IL1RAPL2: variants seen among roughly 807,000 people sequenced by gnomAD.
The protein encoded by IL1RAPL2 is X-linked interleukin-1 receptor accessory protein-like 2.
A neutral mutation model predicts 44.1 loss-of-function variants in IL1RAPL2; 3 were observed. The ratio of observed to expected loss-of-function variants is 0.07; its 90% CI spans 0.03 to 0.18. The LOEUF is 0.18. Among genes scored for constraint, IL1RAPL2 ranks in the 10% least tolerant of loss-of-function variants. The probability of loss-of-function intolerance (pLI) is 1.00; values close to 1 mark genes in which losing one functional copy is unlikely to be tolerated. For synonymous variants in IL1RAPL2, 181 were observed against 178.8 expected (o/e 1.01, Z -0.10); for missense variants, 391 against 496.4 (o/e 0.79, Z 2.02).
chrX:105,142,557 T>G lies in IL1RAPL2; in HGVS notation c.83-52918T>G, dbSNP rs72616888. On this transcript the variant is annotated intron_variant, in intron 2 of 10. Coordinates refer to ENST00000372582, the MANE Select transcript of IL1RAPL2 (RefSeq NM_017416.2). ...GGGGTGGAGAAGCAGGGGGAAGTAG[T>G]TTCTTCGTATCTTCAGTGAAGATAC... Among the ~76,000 whole-genome samples the G allele has an allele frequency of 2.7e-5, 3 of 110,860 alleles. No homozygotes were observed. In the East Asian group the frequency reaches 8.5e-4, roughly 31 times the overall value.
At chrX:105,379,599 C>T (rs1201266477) in intron 5 of IL1RAPL2, among the ~76,000 whole-genome samples, 5 of 111,488 alleles carry the variant, frequency 4.5e-5, no homozygotes, top group East Asian at 2.8e-4. Context: ...CGAATATGCT[C>T]CTAACATGGA....
chrX:105,562,918 G>A (rs1446226806), intron 6 of IL1RAPL2, among the ~76,000 whole-genome samples: 1 of 112,000 alleles, frequency 8.9e-6, no homozygotes, highest in African/African-American at 3.2e-5. Context: ...AAAAGTTCTT[G>A]CTTTCATGGA....
chrX:104,834,793 G>C (rs1006722661), intron 2 of IL1RAPL2, among the ~76,000 whole-genome samples: 4 of 111,789 alleles, frequency 3.6e-5, no homozygotes, highest in African/African-American at 1.3e-4. Context: ...ATTAAATTAA[G>C]TCTGTGTAGT....
intron 6 of IL1RAPL2, among the ~76,000 whole-genome samples, chrX:105,608,474 C>A (rs1243692967): frequency 9.0e-6 from 1 of 111,700 alleles, no homozygotes; most frequent in Non-Finnish European, 1.9e-5. Context: ...AAAACCTAGG[C>A]AGAAATTAAA....
rs144852258 is a variant in IL1RAPL2 at position 105,539,381 on chromosome X, G to A, written c.772+54994G>A. ...GAGAACCCAGAAAATCATACTGACAGCATCTGATATTCGACAAAGTAGACA... is the reference window on the plus strand; with the variant it reads ...GAGAACCCAGAAAATCATACTGACAACATCTGATATTCGACAAAGTAGACA... On this transcript the variant is annotated intron_variant, in intron 6 of 10. Transcript: ENST00000372582. Among the ~76,000 whole-genome samples, 907 of 110,427 alleles carry A rather than the reference G, an allele frequency of 8.2e-3. 15 individuals are homozygous for A. The highest frequency in any genetic ancestry group is 0.028 in the African/African-American group (867 of 30,482).
Position 105,423,877 on chromosome X carries a change from A to T in IL1RAPL2, c.698-60436A>T, listed in dbSNP as rs747940492. ...CTTGTTGGAAACAAGTAAAAAAAAA[A>T]AAAAGGGTGTTGACAGCAAAATAAA... On this transcript the variant is annotated intron_variant, in intron 5 of 10. Coordinates refer to ENST00000372582, the MANE Select transcript of IL1RAPL2 (RefSeq NM_017416.2). 5.3e-3 allele frequency among the ~76,000 whole-genome samples: 584 copies of T among 110,752 alleles called. 6 individuals carry two copies. Among genetic ancestry groups the T allele is most frequent in the African/African-American group, 0.018 (550 of 30,386 alleles).
chrX:105,462,500 TGA>T (rs753580023), intron 5 of IL1RAPL2, among the ~76,000 whole-genome samples: 1 of 111,400 alleles, frequency 9.0e-6, no homozygotes, highest in East Asian at 2.9e-4. Flanking sequence ...AAAAGACACT[TGA>T]GAGAGCTGCT....
chrX:105,176,697 G>T (rs1214089463), intron 2 of IL1RAPL2, among the ~76,000 whole-genome samples: 1 of 110,665 alleles, frequency 9.0e-6, no homozygotes, highest in Admixed American at 9.6e-5. Context: ...GAGAGAAGGG[G>T]GGTGGGGCTG....
intron 2 of IL1RAPL2, among the ~76,000 whole-genome samples, chrX:104,772,713 CTAGACCA>C (rs1412594167): frequency 1.8e-5 from 2 of 111,740 alleles, no homozygotes; most frequent in African/African-American, 6.5e-5. Context: ...ATCATACCCT[CTAGACCA>C]TAGACAAATG....
intron 2 of IL1RAPL2, among the ~76,000 whole-genome samples, chrX:104,862,817 A>G (rs1348977250): frequency 8.9e-6 from 1 of 111,984 alleles, no homozygotes; most frequent in African/African-American, 3.2e-5. Flanking sequence ...TGCTTCTTTG[A>G]GTATAAGAGA....
At chrX:105,546,365 G>A (rs914011719) in intron 6 of IL1RAPL2, among the ~76,000 whole-genome samples, 2 of 111,105 alleles carry the variant, frequency 1.8e-5, no homozygotes, top group Non-Finnish European at 3.8e-5. Flanking sequence ...ATACATCCTC[G>A]AGAATTCCAT....
chrX:105,003,932 A>G (rs1297507677), intron 2 of IL1RAPL2, among the ~76,000 whole-genome samples: 1 of 111,428 alleles, frequency 9.0e-6, no homozygotes, highest in Non-Finnish European at 1.9e-5. Flanking sequence ...AACTTTGCAA[A>G]TATTATTTCA....
At chrX:104,610,003 G>A (rs947303788) in intron 1 of IL1RAPL2, among the ~76,000 whole-genome samples, 5 of 112,040 alleles carry the variant, frequency 4.5e-5, no homozygotes, top group African/African-American at 1.6e-4. Context: ...TACCTTTGGT[G>A]TTTGATGTTG....
chrX:104,824,145 CAT>C (rs913148655), intron 2 of IL1RAPL2, among the ~76,000 whole-genome samples: 6 of 111,987 alleles, frequency 5.4e-5, no homozygotes, highest in African/African-American at 1.9e-4. Context: ...TTGAGATAAT[CAT>C]GTGGTTTTTG....
intron 2 of IL1RAPL2, among the ~76,000 whole-genome samples, chrX:104,752,194 A>C (rs1932270506): frequency 9.1e-6 from 1 of 109,913 alleles, no homozygotes; most frequent in South Asian, 3.9e-4. Context: ...ATTCAGAGGG[A>C]GGTTATAAAC....
At chrX:105,498,340 G>T (rs2036369756) in intron 6 of IL1RAPL2, among the ~76,000 whole-genome samples, 1 of 111,599 alleles carries the variant, frequency 9.0e-6, no homozygotes, top group African/African-American at 3.3e-5. Flanking sequence ...CTTAACTAAG[G>T]AGGTGAACGA....
At chrX:105,693,758 T>C (rs1187027535) in intron 6 of IL1RAPL2, among the ~76,000 whole-genome samples, 4 of 110,950 alleles carry the variant, frequency 3.6e-5, no homozygotes, top group Non-Finnish European at 7.6e-5. Context: ...TAAAAGGAGA[T>C]GGGATGACAG....
chrX:105,044,620 A>G (rs1490693349), intron 2 of IL1RAPL2, among the ~76,000 whole-genome samples: 4 of 111,693 alleles, frequency 3.6e-5, no homozygotes, highest in Non-Finnish European at 7.5e-5. Flanking sequence ...TAGAAATATC[A>G]AATAAATTTT....
intron 2 of IL1RAPL2, among the ~76,000 whole-genome samples, chrX:104,715,262 G>A (rs1477218926): frequency 9.1e-6 from 1 of 109,553 alleles, no homozygotes; most frequent in Non-Finnish European, 1.9e-5. Context: ...TCTTGTTTGT[G>A]TGCATAGAGA....
Sources: allele counts gnomAD v4.1 joint callset (sites outside exome capture counted in the v4.1 genomes callset), GRCh38; gene constraint gnomAD v4.1.1; transcripts MANE v1.5; gene names NCBI Gene and HGNC (gene_info 2026-07-23, HGNC 2026-07-21).